The following NNMT variants were observed in gnomAD, a reference collection of about 807,000 sequenced individuals.
The protein encoded by NNMT is nicotinamide N-methyltransferase.
Under a neutral mutation model 11.7 loss-of-function variants are expected in NNMT, and 10 were observed. That is an observed-to-expected ratio of 0.85 (90% confidence interval 0.53 to 1.45). The LOEUF is 1.45. Ranked by LOEUF, NNMT falls within the 40% of genes most tolerant of loss-of-function variation. The pLI is 0.00. For synonymous variants in NNMT, 143 were observed against 133.8 expected (o/e 1.07, Z -0.48); for missense variants, 381 against 319.4 (o/e 1.19, Z -1.47).
At chr11:114,280,979 A>G (rs761187472) in intron 2 of NNMT, among the ~76,000 whole-genome samples, 5 of 152,166 alleles carry the variant, frequency 3.3e-5, no homozygotes, top group African/African-American at 9.7e-5. Context: ...CCACCCGGCC[A>G]TGTATTCTAC....
chr11:114,263,172 G>A (rs75588106), intron 2 of NNMT, among the ~76,000 whole-genome samples: 2,487 of 152,256 alleles, frequency 0.016, 58 homozygotes, highest in African/African-American at 0.055. Flanking sequence ...CTCTGGCACA[G>A]CTGAGACCAG....
At chr11:114,307,319 T>C (rs911266955) in intron 2 of NNMT, among the ~76,000 whole-genome samples, 4 of 152,344 alleles carry the variant, frequency 2.6e-5, no homozygotes, top group Non-Finnish European at 4.4e-5. Context: ...ATATAATAAA[T>C]TGGACAAGCC....
chr11:114,284,363 C>A (rs1945281447), intron 2 of NNMT, among the ~76,000 whole-genome samples: 1 of 152,242 alleles, frequency 6.6e-6, no homozygotes, highest in Non-Finnish European at 1.5e-5. Context: ...CGTGGCTGGA[C>A]TATGGAAACT....
At chr11:114,286,989 G>T (rs1444764739) in intron 2 of NNMT, among the ~76,000 whole-genome samples, 1 of 152,140 alleles carries the variant, frequency 6.6e-6, no homozygotes, top group African/African-American at 2.4e-5. Context: ...GGTTTAATTT[G>T]CATTCCACTG....
rs55804824 is a variant in NNMT, at chr11:114,298,271, C to G, written c.362+113C>G. 617 of 830,778 alleles carry G rather than the reference C, an allele frequency of 7.4e-4. 8 individuals are homozygous for G. In the East Asian group the frequency reaches 0.014, roughly 19 times the overall value. 51.5% of individuals were successfully genotyped at this position (830,778 alleles called of 1,614,324 possible). A position where few individuals can be genotyped will look rare whatever the true frequency, so the allele number is the denominator to read the frequency against. On this transcript the variant is annotated intron_variant, in intron 2 of 2. Coordinates refer to ENST00000299964, the MANE Select transcript of NNMT (RefSeq NM_006169.3). ...AATCCAAATGGAGAATGAGTGGTAACGAGAGAGCGAGAGCAAGAGAGATGA... is the reference window on the plus strand; with the variant it reads ...AATCCAAATGGAGAATGAGTGGTAAGGAGAGAGCGAGAGCAAGAGAGATGA...
intron 1 of NNMT, among the ~76,000 whole-genome samples, chr11:114,260,023 C>T (rs1209436501): frequency 6.6e-6 from 1 of 151,972 alleles, no homozygotes; most frequent in African/African-American, 2.4e-5. Context: ...ACTCTGGGAC[C>T]CGATGGGGCT....
At chr11:114,259,803 C>T (rs1945062133) in intron 1 of NNMT, among the ~76,000 whole-genome samples, 1 of 152,180 alleles carries the variant, frequency 6.6e-6, no homozygotes, top group African/African-American at 2.4e-5. Context: ...TTAAGCCCTC[C>T]TTTATTTATT....
At chr11:114,301,994 G>A (rs969877564) in intron 2 of NNMT, among the ~76,000 whole-genome samples, 6 of 151,876 alleles carry the variant, frequency 4.0e-5, no homozygotes, top group African/African-American at 1.5e-4. Context: ...GCTAAATTTT[G>A]GGGATAATTT....
chr11:114,279,941 G>T (rs555148650), intron 2 of NNMT, among the ~76,000 whole-genome samples: 3 of 152,166 alleles, frequency 2.0e-5, no homozygotes, highest in Non-Finnish European at 4.4e-5. Context: ...CCAGGCAGGT[G>T]GTGAGATGAA....
At chr11:114,272,500 G>A (rs1414156579) in intron 2 of NNMT, among the ~76,000 whole-genome samples, 2 of 152,210 alleles carry the variant, frequency 1.3e-5, no homozygotes, top group African/African-American at 4.8e-5. Context: ...ACTGCCCTAA[G>A]GGAAAATTTT....
intron 2 of NNMT, among the ~76,000 whole-genome samples, chr11:114,284,729 T>G (rs1945284910): frequency 6.7e-6 from 1 of 149,238 alleles, no homozygotes; most frequent in African/African-American, 2.5e-5. Flanking sequence ...CCCAAAGTGC[T>G]GAGATGACAG....
In NNMT at chr11:114,272,918, G is replaced by A. The variant is rs1448927935; in HGVS notation, c.-130+9984G>A. Among the ~76,000 whole-genome samples, 6 of 152,124 alleles carry A rather than the reference G, an allele frequency of 3.9e-5. 1 individual carries two copies. The highest frequency in any genetic ancestry group is 8.8e-5 in the Non-Finnish European group (6 of 68,030). ...CTCTGATGCCTGCCTCAACCTACCT[G>A]CCACTGTACCCTACAGATAAAACAA... On this transcript the variant is annotated intron_variant, in intron 2 of 4. Coordinates refer to the NNMT transcript ENST00000535401.
chr11:114,277,239 A>C (rs1015903359), intron 2 of NNMT, among the ~76,000 whole-genome samples: 1 of 152,128 alleles, frequency 6.6e-6, no homozygotes, highest in Non-Finnish European at 1.5e-5. Flanking sequence ...TAAATAAATA[A>C]ATAAAAGAAA....
rs34012236 is a variant in NNMT, at chr11:114,268,768, C to CAAAAA, written c.-130+5853_-130+5857dup. ...TGGACGATGGAGCGAGACTCCGTCT[C>CAAAAA]AAAAAAAAAAAAAAAAAAAAAAACT... On this transcript the variant is annotated intron_variant, in intron 2 of 4. Coordinates refer to the NNMT transcript ENST00000535401. 8.9e-4 allele frequency among the ~76,000 whole-genome samples: 62 copies of CAAAAA among 69,606 alleles called. 1 individual carries two copies. Among genetic ancestry groups the CAAAAA allele is most frequent in the Middle Eastern group, 7.5e-3 (1 of 134 alleles). The allele number at this position is 69,606 out of a possible 152,430, so 45.7% of individuals were successfully genotyped here. A position where few individuals can be genotyped will look rare whatever the true frequency, so the allele number is the denominator to read the frequency against.
At chr11:114,292,465 A>G (rs1165748750), upstream of NNMT, among the ~76,000 whole-genome samples, 2 of 152,124 alleles carry the variant, frequency 1.3e-5, no homozygotes, top group Non-Finnish European at 2.9e-5. Flanking sequence ...CACTACATTG[A>G]TTTTTTGTGC....
intron 2 of NNMT, among the ~76,000 whole-genome samples, chr11:114,301,014 A>G (rs1945432833): frequency 6.6e-6 from 1 of 152,206 alleles, no homozygotes; most frequent in African/African-American, 2.4e-5. Context: ...GTGATGGGAT[A>G]TCAATTGTGA....
At chr11:114,306,000 T>C (rs572518695) in intron 2 of NNMT, among the ~76,000 whole-genome samples, 302 of 152,320 alleles carry the variant, frequency 2.0e-3, no homozygotes, top group Non-Finnish European at 3.4e-3. Context: ...CCACATCCTC[T>C]CCAGCACCTG....
intron 2 of NNMT, among the ~76,000 whole-genome samples, chr11:114,277,560 G>A (rs1419919907): frequency 1.3e-5 from 2 of 152,196 alleles, no homozygotes; most frequent in Non-Finnish European, 2.9e-5. Flanking sequence ...GGTAAGCCAC[G>A]TGAAGGAATG....
intron 2 of NNMT, chr11:114,270,651 A>T (rs1374304464): frequency 6.6e-6 from 1 of 152,280 alleles, no homozygotes; most frequent in Non-Finnish European, 1.5e-5. Flanking sequence ...CTTGGCTTGC[A>T]GATGGCCACC....
Sources: allele counts gnomAD v4.1 joint callset (sites outside exome capture counted in the v4.1 genomes callset), GRCh38; gene constraint gnomAD v4.1.1; transcripts MANE v1.5; gene names NCBI Gene and HGNC (gene_info 2026-07-23, HGNC 2026-07-21).